Variants in RGS22 observed in about 807,000 individuals in gnomAD.
The protein encoded by RGS22 is regulator of G-protein signaling 22.
In RGS22, 148 loss-of-function variants were observed where a neutral mutation model predicts 172.9. The ratio of observed to expected loss-of-function variants is 0.86; its 90% CI spans 0.75 to 0.98. RGS22 has a LOEUF of 0.98. RGS22 is among the 50% of genes least tolerant of loss of function. RGS22 has a pLI of 0.00. For synonymous variants in RGS22, 458 were observed against 480.2 expected, an observed-to-expected ratio of 0.95 and a Z score of 0.60; for missense variants, 1,347 against 1,440.8, an observed-to-expected ratio of 0.93 and a Z score of 1.05.
intron 23 of RGS22, among the ~76,000 whole-genome samples, chr8:99,969,990 C>A (rs879712839): frequency 3.3e-5 from 5 of 152,166 alleles, no homozygotes; most frequent in Non-Finnish European, 5.9e-5. Flanking sequence ...AAGTAAAACA[C>A]TCCTCAGCAA....
Position 99,971,304 on chromosome 8 carries a change from T to A in RGS22, c.3520-5874A>T, listed in dbSNP as rs111814416. Reference sequence around the variant, plus strand: ...GGGCAAAAGCTGAAAGGATTCCCTTTGAAAACCAGCACAAGACAAGGATGC... The same window carrying A: ...GGGCAAAAGCTGAAAGGATTCCCTTAGAAAACCAGCACAAGACAAGGATGC... On this transcript the variant is annotated intron_variant, in intron 23 of 27. Coordinates refer to ENST00000360863, the MANE Select transcript of RGS22 (RefSeq NM_015668.5). Among the ~76,000 whole-genome samples the A allele has an allele frequency of 3.4e-3, 523 of 152,296 alleles. 1 individual carries two copies. Among genetic ancestry groups the A allele is most frequent in the African/African-American group, 0.012 (499 of 41,562 alleles).
intron 23 of RGS22, among the ~76,000 whole-genome samples, chr8:99,973,832 G>A (rs1811629106): frequency 6.7e-6 from 1 of 148,274 alleles, no homozygotes; most frequent in African/African-American, 2.5e-5. Flanking sequence ...TTGTGCCACT[G>A]CACTCCAGCC....
chr8:99,999,185 G>A (rs918128599), intron 19 of RGS22, 77 bp downstream of exon 19: 52 of 1,278,328 alleles, frequency 4.1e-5, no homozygotes, highest in Non-Finnish European at 5.2e-5. Context: ...GACAATGGCT[G>A]GGTCACCAGG....
rs1436224879 is a variant in RGS22, at chr8:99,987,552, G to A, written c.3086C>T (p.Pro1029Leu). The A allele has an allele frequency of 1.9e-6, 3 of 1,611,346 alleles. No homozygotes were observed. The East Asian group carries it at 6.7e-5, about 36-fold the overall frequency. Residue 1029 changes from proline (P) to leucine (L), a missense_variant, in exon 21 of 28, where the codon CCA becomes CTA. Transcript: ENST00000360863. ...ACGTTGAAATTGTCTTGAAGTAACTGGATTCAATAATGCTTTGCGAAAAGC... is the reference window on the plus strand; with the variant it reads ...ACGTTGAAATTGTCTTGAAGTAACTAGATTCAATAATGCTTTGCGAAAAGC... ...IIAFRKALLN[P>L]VTSRQFQRFV...
At chr8:100,027,020 A>G (rs936008701) in intron 14 of RGS22, among the ~76,000 whole-genome samples, 1 of 152,188 alleles carries the variant, frequency 6.6e-6, no homozygotes, top group Admixed American at 6.5e-5. Context: ...GCTTGAGTAC[A>G]AGAGTTCAAG....
At position 100,006,078 on chromosome 8, in the gene RGS22, TCTAA is replaced by T. The variant is rs760578549; in HGVS notation, c.2389_2392del (p.Leu797ThrfsTer94). ...CTGTAGCTTTCTGAAGTATGTGGAG[TCTAA>T]CTGTCGAGTTTCTTCCACCAGCTCC... On this transcript the variant is annotated frameshift_variant, in exon 16 of 28. Transcript: ENST00000360863. LOFTEE classifies it high-confidence loss of function. The T allele has an allele frequency of 3.5e-5, 56 of 1,613,306 alleles. No homozygotes were observed. The African/African-American group carries it at 4.5e-4, about 13-fold the overall frequency.
At chr8:100,045,360 C>G (rs555516550) in intron 11 of RGS22, among the ~76,000 whole-genome samples, 256 of 152,154 alleles carry the variant, frequency 1.7e-3, no homozygotes, top group Non-Finnish European at 1.1e-3. Context: ...TGTACTATAC[C>G]CCGGAGCATT....
intron 20 of RGS22, among the ~76,000 whole-genome samples, chr8:99,995,357 A>C (rs1814244419): frequency 6.6e-6 from 1 of 152,238 alleles, no homozygotes; most frequent in South Asian, 2.1e-4. Context: ...AAATTTTTGC[A>C]ATCTATCCAT....
intron 9 of RGS22, among the ~76,000 whole-genome samples, chr8:100,062,152 T>A: frequency 6.6e-6 from 1 of 151,318 alleles, no homozygotes; most frequent in South Asian, 2.1e-4. Context: ...TATCAGAGGG[T>A]GGAAGATAGA....
chr8:100,091,844 A>G (rs1812606138), intron 3 of RGS22: 1 of 152,182 alleles, frequency 6.6e-6, no homozygotes, highest in Admixed American at 6.5e-5. Flanking sequence ...CTTATATAAT[A>G]TACAACTGGA....
intron 3 of RGS22, among the ~76,000 whole-genome samples, chr8:100,081,907 T>TC (rs1187500703): frequency 6.9e-6 from 1 of 144,740 alleles, no homozygotes; most frequent in Non-Finnish European, 1.5e-5. Flanking sequence ...TTTATTGTTT[T>TC]CCTTTTTTTT....
In RGS22 at chr8:100,038,245, G is replaced by C. The variant is rs565384750; in HGVS notation, c.2166+686C>G. ...AAAAACTGCAAAAATAAGTCAGCTT[G>C]AGTCACAATTCTGCTCCCTTTTCTT... On this transcript the variant is annotated intron_variant, in intron 14 of 27. Coordinates refer to ENST00000360863, the MANE Select transcript of RGS22 (RefSeq NM_015668.5). Among the ~76,000 whole-genome samples the C allele has an allele frequency of 2.6e-5, 4 of 152,200 alleles. No homozygotes were observed. In the South Asian group the frequency reaches 8.3e-4, roughly 32 times the overall value.
chr8:99,965,335 C>T lies in RGS22; in HGVS notation c.3615G>A (p.Gln1205=), dbSNP rs1810612971. The T allele has an allele frequency of 6.2e-7, 1 of 1,609,378 alleles. No homozygotes were observed. Among genetic ancestry groups the T allele is most frequent in the Non-Finnish European group, 8.5e-7 (1 of 1,175,914 alleles). The change falls in exon 24 of 28, where the codon CAG becomes CAA. Residue 1205 remains glutamine (Q), a splice_region_variant and synonymous_variant. Coordinates refer to ENST00000360863, the MANE Select transcript of RGS22 (RefSeq NM_015668.5). Reference sequence around the variant, plus strand: ...GGTCTGCACCATCTTGCATGCTTACCTGTCGGCCATATGGTTGGAGGCCTA... The same window carrying T: ...GGTCTGCACCATCTTGCATGCTTACTTGTCGGCCATATGGTTGGAGGCCTA... ...SFLGLQPYGR[Q]PTWCYSKYIE...
intron 14 of RGS22, among the ~76,000 whole-genome samples, chr8:100,022,838 C>T (rs559707548): frequency 6.6e-6 from 1 of 152,132 alleles, no homozygotes; most frequent in African/African-American, 2.4e-5. Context: ...CTCCTAGGCT[C>T]AAGCCTAGCC....
At chr8:99,964,343 A>C (rs1190086699) in intron 24 of RGS22, among the ~76,000 whole-genome samples, 1 of 152,016 alleles carries the variant, frequency 6.6e-6, no homozygotes, top group African/African-American at 2.4e-5. Context: ...AGTCCCAGCT[A>C]CTTGGGAGGC....
intron 2 of RGS22, among the ~76,000 whole-genome samples, chr8:100,095,205 A>G (rs1237552821): frequency 1.3e-5 from 2 of 152,234 alleles, no homozygotes; most frequent in Admixed American, 6.5e-5. Flanking sequence ...TTGTTTTGAG[A>G]CAAGGTCTTG....
chr8:100,033,765 T>C (rs1471720352), intron 14 of RGS22, among the ~76,000 whole-genome samples: 1 of 152,140 alleles, frequency 6.6e-6, no homozygotes, highest in African/African-American at 2.4e-5. Flanking sequence ...TTATCCACCA[T>C]GATCAAGTTG....
chr8:100,074,738 G>T (rs988458280), intron 4 of RGS22, among the ~76,000 whole-genome samples: 4 of 151,362 alleles, frequency 2.6e-5, no homozygotes, highest in African/African-American at 9.8e-5. Flanking sequence ...TACATGCAGG[G>T]TTTCTTTTTT....
At chr8:99,987,190 T>TCAGA (rs1813188993) in intron 21 of RGS22, among the ~76,000 whole-genome samples, 1 of 152,184 alleles carries the variant, frequency 6.6e-6, no homozygotes, top group Admixed American at 6.5e-5. Flanking sequence ...GTTTCAGATT[T>TCAGA]TGGAGCATTT....
Sources: gnomAD v4.1 joint callset for allele counts (sites outside exome capture counted in the v4.1 genomes callset) on GRCh38, gnomAD v4.1.1 for gene constraint, MANE v1.5 for transcripts, NCBI Gene and HGNC (gene_info 2026-07-23, HGNC 2026-07-21) for gene names.